The following CDH4 variants were observed in gnomAD, a reference collection of about 807,000 sequenced individuals.
CDH4 encodes the protein cadherin-4.
Under a neutral mutation model 86.0 loss-of-function variants are expected in CDH4, and 33 were observed. The observed-to-expected ratio is 0.38, with a 90% CI of 0.29 to 0.51. CDH4 has a LOEUF of 0.51. Among genes scored for constraint, CDH4 ranks in the 20% least tolerant of loss-of-function variants. The pLI, the probability that CDH4 is intolerant of heterozygous loss-of-function variation, is 0.86. For synonymous variants in CDH4, 555 were observed against 549.4 expected (o/e 1.01, Z -0.14); for missense variants, 1,114 against 1,307.4 (o/e 0.85, Z 2.28).
rs553330345 is a variant in CDH4, at chr20:61,417,780, G to A, written c.169+162843G>A. ...TGACCTGACAAGGTCCTCGAGGCCA[G>A]GCGAGGTCTCAGGAAGTCTGAGTTT... On this transcript the variant is annotated intron_variant, in intron 2 of 15. Transcript: ENST00000614565. This position sits in a 1 kb window ranked among gnomAD's most constrained non-coding sequence, Gnocchi z 4.0. 6.6e-6 allele frequency among the ~76,000 whole-genome samples: 1 copy of A among 152,242 alleles called. No homozygotes were observed. Among genetic ancestry groups the A allele is most frequent in the South Asian group, 2.1e-4 (1 of 4,822 alleles).
chr20:61,254,848 C>T lies in CDH4; in HGVS notation c.80C>T (p.Thr27Ile), dbSNP rs149390633. ...ALRAHNEDLT[T>I]RETCKAGFSE... ...CAGGCCCATAATGAGGATCTTACAA[C>T]TAGAGAGACCTGCAAGGCTGGGTTC... The change falls in exon 2 of 16, where the codon ACT becomes ATT. Residue 27 changes from threonine (T) to isoleucine (I), a missense_variant. Physicochemically the swap from Thr to Ile is moderately conservative, Grantham distance 89 (BLOSUM62 -1). This residue lies in a region of CDH4 where 221 missense variants were observed against 209.5 expected (regional missense o/e 1.05). Coordinates refer to ENST00000614565, the MANE Select transcript of CDH4 (RefSeq NM_001794.5). The T allele has an allele frequency of 1.1e-3, 1,823 of 1,609,218 alleles. 7 individuals carry two copies. In the Middle Eastern group the frequency reaches 0.016, roughly 14 times the overall value.
Position 61,929,789 on chromosome 20 carries a change from G to T in CDH4, c.2186G>T (p.Gly729Val). 1 of 1,614,042 alleles carries T rather than the reference G, an allele frequency of 6.2e-7. No individual in the cohort carries two copies. The highest frequency in any genetic ancestry group is 8.5e-7 in the Non-Finnish European group (1 of 1,180,036). ...ACCATTGGCGCAGTGGCAGCGGCTG[G>T]TCTGGGCACCGGTGCCATCGTGGCC... ...CTTIGAVAAA[G>V]LGTGAIVAIL... The change falls in exon 13 of 16, where the codon GGT (glycine) becomes GTT (valine). Residue 729 changes from glycine to valine, a missense_variant. This residue lies in a region of CDH4 where 705 missense variants were observed against 914.1 expected (regional missense o/e 0.77). Coordinates refer to ENST00000614565, the MANE Select transcript of CDH4 (RefSeq NM_001794.5).
At chr20:61,595,018 C>T (rs1375861068) in intron 2 of CDH4, among the ~76,000 whole-genome samples, 3 of 152,224 alleles carry the variant, frequency 2.0e-5, no homozygotes, top group Non-Finnish European at 2.9e-5. Context: ...TGACCGTGGG[C>T]TCCATCCGGG....
chr20:61,598,130 G>C (rs1196045973), intron 2 of CDH4, among the ~76,000 whole-genome samples: 1 of 152,144 alleles, frequency 6.6e-6, no homozygotes, highest in Non-Finnish European at 1.5e-5. Context: ...GGGTGATGGT[G>C]ACCCGCCGGG....
intron 2 of CDH4, among the ~76,000 whole-genome samples, chr20:61,581,224 G>A (rs551708351): frequency 1.8e-4 from 28 of 152,334 alleles, no homozygotes; most frequent in Non-Finnish European, 3.4e-4. Context: ...ATCCGTGCAT[G>A]ATGTCTCGCC....
At chr20:61,528,620 AAGAAG>A (rs993939620) in intron 2 of CDH4, among the ~76,000 whole-genome samples, 4 of 152,082 alleles carry the variant, frequency 2.6e-5, no homozygotes, top group Non-Finnish European at 5.9e-5. Context: ...AAGAAAAGGA[AAGAAG>A]AGAAGAGAAA....
chr20:61,605,389 G>C (rs951014920), intron 2 of CDH4, among the ~76,000 whole-genome samples: 28 of 151,548 alleles, frequency 1.8e-4, no homozygotes, highest in African/African-American at 5.8e-4. Context: ...CTGTATCTCT[G>C]TCTCTCTGTC....
chr20:61,850,327 G>A (rs972031670), intron 5 of CDH4, among the ~76,000 whole-genome samples: 1 of 152,226 alleles, frequency 6.6e-6, no homozygotes, highest in Non-Finnish European at 1.5e-5. Flanking sequence ...GCCTGGCCCT[G>A]AGCAAACGCA....
intron 2 of CDH4, among the ~76,000 whole-genome samples, chr20:61,606,890 C>T (rs937425330): frequency 5.9e-5 from 9 of 152,256 alleles, no homozygotes; most frequent in Non-Finnish European, 1.2e-4. Context: ...CTCCAGGCTA[C>T]CGCCGGGATG....
At chr20:61,430,503 C>T (rs74444324) in intron 2 of CDH4, among the ~76,000 whole-genome samples, 4,332 of 152,270 alleles carry the variant, frequency 0.028, 97 homozygotes, top group Non-Finnish European at 0.044. Context: ...TGCCTTATCA[C>T]CCTTTATGTG....
chr20:61,493,611 G>C (rs1600710972), intron 2 of CDH4, among the ~76,000 whole-genome samples: 1 of 152,228 alleles, frequency 6.6e-6, no homozygotes, highest in African/African-American at 2.4e-5. Flanking sequence ...CCCTGCAGGA[G>C]ACAGGTTCCC....
chr20:61,728,589 A>G (rs1055718005), intron 2 of CDH4, among the ~76,000 whole-genome samples: 4 of 152,060 alleles, frequency 2.6e-5, no homozygotes, highest in African/African-American at 7.2e-5. Flanking sequence ...GGATACCTGT[A>G]CCTCAGTTTC....
chr20:61,536,442 G>A (rs2085997693), intron 2 of CDH4, among the ~76,000 whole-genome samples: 1 of 152,102 alleles, frequency 6.6e-6, no homozygotes, highest in Admixed American at 6.5e-5. Flanking sequence ...TTACTAAGGA[G>A]GGAAAGAGGA....
chr20:61,417,609 A>G lies in CDH4; in HGVS notation c.169+162672A>G, dbSNP rs970908864. ...GGCTGGAATGCATTTCTGTATCGCT[A>G]TCTAGCAGGGCTGTAAATTGGCAGC... On this transcript the variant is annotated intron_variant, in intron 2 of 15. Coordinates refer to ENST00000614565, the MANE Select transcript of CDH4 (RefSeq NM_001794.5). The surrounding 1 kb of genome is among the most constrained non-coding windows in gnomAD (Gnocchi z 4.0). 2.6e-5 allele frequency among the ~76,000 whole-genome samples: 4 copies of G among 152,320 alleles called. No individual in the cohort carries two copies. The highest frequency in any genetic ancestry group is 2.6e-4 in the Admixed American group (4 of 15,306).
intron 4 of CDH4, among the ~76,000 whole-genome samples, chr20:61,791,495 C>T (rs781770672): frequency 2.0e-5 from 3 of 152,248 alleles, no homozygotes; most frequent in Admixed American, 6.5e-5. Context: ...ACGTGTATTG[C>T]GATCAGCTCT....
chr20:61,635,632 G>T (rs2086938679), intron 2 of CDH4, among the ~76,000 whole-genome samples: 1 of 152,214 alleles, frequency 6.6e-6, no homozygotes, highest in African/African-American at 2.4e-5. Flanking sequence ...GGCAACAGAG[G>T]CTGGGCTATC....
chr20:61,713,315 T>C (rs2087913486), intron 2 of CDH4, among the ~76,000 whole-genome samples: 1 of 151,884 alleles, frequency 6.6e-6, no homozygotes, highest in South Asian at 2.1e-4. Flanking sequence ...GTGTCTCCAC[T>C]CCCCCCCAGA....
chr20:61,512,817 C>T (rs2085789999), intron 2 of CDH4, among the ~76,000 whole-genome samples: 1 of 152,196 alleles, frequency 6.6e-6, no homozygotes, highest in African/African-American at 2.4e-5. Flanking sequence ...GCTGTGAGCA[C>T]AGGAAGTGAA....
chr20:61,718,995 GC>G, intron 2 of CDH4: 1 of 471,264 alleles, frequency 2.1e-6, no homozygotes, highest in Non-Finnish European at 4.4e-6. Flanking sequence ...AGATGAAAGA[GC>G]ACACTCAGCA....
Sources: gnomAD v4.1 joint callset for allele counts (sites outside exome capture counted in the v4.1 genomes callset) on GRCh38, gnomAD v4.1.1 for gene constraint, gnomAD v4.1.1 regional missense constraint, Gnocchi (gnomAD v3.1) non-coding constraint, MANE v1.5 for transcripts, NCBI Gene and HGNC (gene_info 2026-07-23, HGNC 2026-07-21) for gene names.